CBX5: variants seen among roughly 807,000 people sequenced by gnomAD.
The protein encoded by CBX5 is chromobox protein homolog 5.
In CBX5, 7 loss-of-function variants were observed where a neutral mutation model predicts 20.7. That is an observed-to-expected ratio of 0.34 (90% CI 0.19 to 0.63). The LOEUF is 0.63. CBX5 is among the 30% of genes least tolerant of loss of function. The probability of loss-of-function intolerance (pLI) is 0.75; values close to 1 mark genes in which losing one functional copy is unlikely to be tolerated. For synonymous variants in CBX5, 78 were observed against 77.0 expected (o/e 1.01, Z -0.07); for missense variants, 110 against 224.1 (o/e 0.49, Z 3.25).
intron 1 of CBX5, among the ~76,000 whole-genome samples, chr12:54,275,593 C>T (rs1239975111): frequency 1.3e-5 from 2 of 151,922 alleles, no homozygotes; most frequent in African/African-American, 4.8e-5. Context: ...AATTAGAGGC[C>T]CAACACGTAT....
rs1400341424 is a variant in CBX5 at position 54,240,666 on chromosome 12, A to G, written c.*1089T>C. 6.6e-6 allele frequency: 1 copy of G among 152,210 alleles called. No individual in the cohort carries two copies. Among genetic ancestry groups the G allele is most frequent in the Non-Finnish European group, 1.5e-5 (1 of 68,026 alleles). 9.4% of individuals were successfully genotyped at this position (152,210 alleles called of 1,614,324 possible). ...AGACATAACTGCTATGAACACTTAA[A>G]ATTGATATTGTGGCCAACAGCTCAC... On this transcript the variant is annotated 3_prime_UTR_variant, in exon 5 of 5. Coordinates refer to ENST00000209875, the MANE Select transcript of CBX5 (RefSeq NM_012117.3).
intron 2 of CBX5, among the ~76,000 whole-genome samples, chr12:54,252,772 G>A (rs1943819678): frequency 6.6e-6 from 1 of 151,900 alleles, no homozygotes; most frequent in South Asian, 2.1e-4. Context: ...ATCACTTGAG[G>A]TCAGGAGTTT....
intron 1 of CBX5, among the ~76,000 whole-genome samples, chr12:54,266,292 G>A (rs899448886): frequency 2.6e-5 from 4 of 151,922 alleles, no homozygotes; most frequent in African/African-American, 9.7e-5. Context: ...CAGCTACTCA[G>A]GAGGCTGAGG....
intron 3 of CBX5, among the ~76,000 whole-genome samples, chr12:54,251,370 T>A (rs896737132): frequency 6.6e-6 from 1 of 151,470 alleles, no homozygotes; most frequent in Admixed American, 6.6e-5. Context: ...TACAAAAAAA[T>A]TAGCTGGGCG....
rs552199264 is a variant in CBX5, at chr12:54,242,419, G to T, written c.426-514C>A. Among the ~76,000 whole-genome samples, 5 of 152,024 alleles carry T rather than the reference G, an allele frequency of 3.3e-5. No homozygotes were observed. In the South Asian group the frequency reaches 1.0e-3, roughly 32 times the overall value. On this transcript the variant is annotated intron_variant, in intron 4 of 4. Transcript: ENST00000209875. ...GGGCGCCTGTAGTCCCAGCTACTCGGGAGGCTGAGGCAGGAGAATGGCGTG... is the reference window on the plus strand; with the variant it reads ...GGGCGCCTGTAGTCCCAGCTACTCGTGAGGCTGAGGCAGGAGAATGGCGTG...
At chr12:54,269,575 G>C (rs1285325073) in intron 1 of CBX5, among the ~76,000 whole-genome samples, 1 of 152,104 alleles carries the variant, frequency 6.6e-6, no homozygotes, top group Non-Finnish European at 1.5e-5. Flanking sequence ...TTTTAGTAGA[G>C]ACGGGGCTTC....
At chr12:54,252,261 AG>A (rs774276117) in intron 2 of CBX5, 34 bp from the exon 3 acceptor site, 390 of 1,378,610 alleles carry the variant, frequency 2.8e-4, no homozygotes, top group African/African-American at 3.3e-4. Flanking sequence ...TAAAAAAAAA[AG>A]GGGGGGGTAA....
At chr12:54,253,427 T>G (rs1477481946) in intron 2 of CBX5, among the ~76,000 whole-genome samples, 1 of 151,282 alleles carries the variant, frequency 6.6e-6, no homozygotes, top group Non-Finnish European at 1.5e-5. Flanking sequence ...AAAAAAACAA[T>G]AATAATAATT....
chr12:54,274,292 G>A (rs1944038936), intron 1 of CBX5: 1 of 152,146 alleles, frequency 6.6e-6, no homozygotes, highest in Non-Finnish European at 1.5e-5. Flanking sequence ...CTCTTCTCAG[G>A]ATGACCTGGA....
At chr12:54,256,605 C>T (rs1943865056) in intron 2 of CBX5, among the ~76,000 whole-genome samples, 1 of 152,020 alleles carries the variant, frequency 6.6e-6, no homozygotes, top group African/African-American at 2.4e-5. Flanking sequence ...TGAAATGCAG[C>T]TAGTTTGAAT....
Position 54,241,800 on chromosome 12 carries a change from A to G in CBX5, c.531T>C (p.Tyr177=). The G allele has an allele frequency of 6.2e-7, 1 of 1,613,412 alleles. No homozygotes were observed. The highest frequency in any genetic ancestry group is 8.5e-7 in the Non-Finnish European group (1 of 1,179,874). Residue 177 remains tyrosine (Y), a synonymous_variant, in exon 5 of 5, where the codon TAT becomes TAC. Coordinates refer to ENST00000209875, the MANE Select transcript of CBX5 (RefSeq NM_012117.3). ...FYEERLTWHA[Y]PEDAENKEKE... Reference sequence around the variant, plus strand: ...TCTCTTTGTTTTCCGCATCCTCAGGATATGCATGCCATGTCAGTCTCTCTT... The same window carrying G: ...TCTCTTTGTTTTCCGCATCCTCAGGGTATGCATGCCATGTCAGTCTCTCTT...
rs1565863582 is a variant in CBX5 at position 54,234,280 on chromosome 12, T to G, written c.*7475A>C. ...AGATTTTTTTTTTTTTCCTCACTGA[T>G]AGCTGATCACATTAAACAGGTACAG... On this transcript the variant is annotated 3_prime_UTR_variant, in exon 5 of 5. Transcript: ENST00000209875. 6.8e-6 allele frequency: 1 copy of G among 148,102 alleles called. No individual in the cohort carries two copies. Among genetic ancestry groups the G allele is most frequent in the Non-Finnish European group, 1.5e-5 (1 of 67,524 alleles). 9.2% of individuals were successfully genotyped at this position (148,102 alleles called of 1,614,324 possible).
chr12:54,250,790 C>T (rs1326249194), intron 3 of CBX5, among the ~76,000 whole-genome samples: 25 of 101,592 alleles, frequency 2.5e-4, no homozygotes, highest in African/African-American at 9.1e-4. Flanking sequence ...CCGGCCTGTG[C>T]GACAGAGCGA....
At chr12:54,259,603 C>CA (rs1172305732) in intron 1 of CBX5, 1 of 152,808 alleles carries the variant, frequency 6.5e-6, no homozygotes, top group African/African-American at 2.4e-5. Context: ...CCCCTGCCCC[C>CA]ACCCAGCTGC....
At chr12:54,253,556 T>C (rs1438661715) in intron 2 of CBX5, among the ~76,000 whole-genome samples, 1 of 151,984 alleles carries the variant, frequency 6.6e-6, no homozygotes, top group Non-Finnish European at 1.5e-5. Context: ...GCAAGACTCC[T>C]GTCTCCACAG....
chr12:54,257,732 G>A, intron 1 of CBX5, 40 bp from the exon 2 acceptor site: 1 of 1,528,980 alleles, frequency 6.5e-7, no homozygotes, highest in Non-Finnish European at 8.9e-7. Context: ...ATCCATGTGA[G>A]GAGTTAAAAA....
At chr12:54,262,021 A>G (rs1191975659) in intron 1 of CBX5, among the ~76,000 whole-genome samples, 3 of 152,228 alleles carry the variant, frequency 2.0e-5, no homozygotes, top group Non-Finnish European at 4.4e-5. Context: ...GCAGCTCAAC[A>G]CATTAGTAGA....
chr12:54,243,097 C>T (rs1264880953), intron 4 of CBX5, among the ~76,000 whole-genome samples: 1 of 151,854 alleles, frequency 6.6e-6, no homozygotes, highest in Non-Finnish European at 1.5e-5. Context: ...GCACTCCAGC[C>T]TGGGCAACAG....
intron 3 of CBX5, among the ~76,000 whole-genome samples, chr12:54,249,878 T>C (rs1468604091): frequency 6.6e-6 from 1 of 151,992 alleles, no homozygotes; most frequent in Non-Finnish European, 1.5e-5. Flanking sequence ...GCCAAGTATG[T>C]AGAAATAATA....
Sources: allele counts gnomAD v4.1 joint callset (sites outside exome capture counted in the v4.1 genomes callset), GRCh38; gene constraint gnomAD v4.1.1; transcripts MANE v1.5; gene names NCBI Gene and HGNC (gene_info 2026-07-23, HGNC 2026-07-21).